PRKD1: variants seen among roughly 807,000 people sequenced by gnomAD.
The protein encoded by PRKD1 is protein kinase D1, also known as serine/threonine-protein kinase D1.
A neutral mutation model predicts 95.9 loss-of-function variants in PRKD1; 63 were observed. That is an observed-to-expected ratio of 0.66 (90% CI 0.54 to 0.81). The LOEUF (loss-of-function observed/expected upper bound fraction) is 0.81. Among genes scored for constraint, PRKD1 ranks in the 30% least tolerant of loss-of-function variants. The pLI is 0.00. For missense variants in PRKD1, 1,048 were observed against 1,165.3 expected, an observed-to-expected ratio of 0.90 and a Z score of 1.47; for synonymous variants, 425 against 423.1, an observed-to-expected ratio of 1.00 and a Z score of -0.05.
intron 1 of PRKD1, among the ~76,000 whole-genome samples, chr14:29,815,942 G>A (rs566814334): frequency 1.6e-4 from 24 of 152,252 alleles, no homozygotes; most frequent in Middle Eastern, 3.4e-3. Flanking sequence ...ATATCAGGCC[G>A]GGCGCGGTGG....
chr14:29,767,963 T>G (rs1243834616), intron 1 of PRKD1, among the ~76,000 whole-genome samples: 1 of 152,250 alleles, frequency 6.6e-6, no homozygotes, highest in African/African-American at 2.4e-5. Context: ...GGTTAACATT[T>G]ATTATCTACT....
intron 1 of PRKD1, among the ~76,000 whole-genome samples, chr14:29,850,443 C>A (rs567947200): frequency 1.4e-5 from 2 of 144,786 alleles, no homozygotes; most frequent in South Asian, 4.3e-4. Context: ...AAGAAAGCAA[C>A]CCCATTCAAA....
chr14:29,595,358 C>T (rs1191507239), intron 16 of PRKD1, among the ~76,000 whole-genome samples: 3 of 152,130 alleles, frequency 2.0e-5, no homozygotes, highest in African/African-American at 7.2e-5. Flanking sequence ...ATTCTCCTTC[C>T]CCTGAACTTG....
At chr14:29,734,759 C>T (rs987930475) in intron 1 of PRKD1, among the ~76,000 whole-genome samples, 4 of 152,168 alleles carry the variant, frequency 2.6e-5, no homozygotes, top group Non-Finnish European at 5.9e-5. Flanking sequence ...AATACTAAAC[C>T]AGATCCTTAC....
chr14:29,800,108 T>C (rs2139215403), intron 1 of PRKD1, among the ~76,000 whole-genome samples: 1 of 152,256 alleles, frequency 6.6e-6, no homozygotes, highest in African/African-American at 2.4e-5. Context: ...AAAAAAGGTG[T>C]CTTTAAAACA....
At chr14:29,801,876 C>A (rs945829927) in intron 1 of PRKD1, among the ~76,000 whole-genome samples, 1 of 152,060 alleles carries the variant, frequency 6.6e-6, no homozygotes, top group Admixed American at 6.6e-5. Context: ...TTAGTAGAGA[C>A]GGGGTTTCTC....
intron 1 of PRKD1, among the ~76,000 whole-genome samples, chr14:29,754,177 A>G (rs78096812): frequency 0.013 from 1,905 of 152,292 alleles, 32 homozygotes; most frequent in African/African-American, 0.044. Context: ...TCTAACTACA[A>G]AATAATTTGA....
intron 4 of PRKD1, among the ~76,000 whole-genome samples, chr14:29,639,667 A>T (rs1880632880): frequency 6.6e-6 from 1 of 151,886 alleles, no homozygotes; most frequent in Non-Finnish European, 1.5e-5. Flanking sequence ...AAAGAAAGAA[A>T]GAAAGAAAAA....
intron 1 of PRKD1, among the ~76,000 whole-genome samples, chr14:29,775,344 G>A (rs922833484): frequency 6.6e-6 from 1 of 152,206 alleles, no homozygotes; most frequent in South Asian, 2.1e-4. Flanking sequence ...GAAGCAGGGC[G>A]AGGCATCGCC....
chr14:29,597,499 G>C lies in PRKD1; in HGVS notation c.2426C>G (p.Ser809Cys). The change falls in exon 16 of 18, where the codon TCT becomes TGT. Residue 809 changes from serine to cysteine, a missense_variant. Coordinates refer to ENST00000331968, the MANE Select transcript of PRKD1 (RefSeq NM_002742.3). ...MYPPNPWKEISHEAIDLINNL... is the reference protein window; with the variant it reads ...MYPPNPWKEICHEAIDLINNL... The stretch of plus-strand genomic sequence containing the variant: ...TGAATGGAAGATATTACCTTCATGA[G>C]ATATTTCCTTCCAGGGATTTGGTGG... 1 of 1,601,926 alleles carries C rather than the reference G, an allele frequency of 6.2e-7. No homozygotes were observed. The highest frequency in any genetic ancestry group is 8.5e-7 in the Non-Finnish European group (1 of 1,170,072).
intron 1 of PRKD1, among the ~76,000 whole-genome samples, chr14:29,919,966 A>AAGAG (rs149379765): frequency 2.9e-5 from 4 of 140,256 alleles, no homozygotes; most frequent in Non-Finnish European, 4.5e-5. Context: ...GACCCTGAGA[A>AAGAG]AGAGAGAGAG....
At chr14:29,738,537 T>C (rs1886833377) in intron 1 of PRKD1, among the ~76,000 whole-genome samples, 1 of 152,262 alleles carries the variant, frequency 6.6e-6, no homozygotes, top group Non-Finnish European at 1.5e-5. Context: ...GATAAATCTG[T>C]AATACCTATT....
At chr14:29,775,711 C>T (rs1304235392) in intron 1 of PRKD1, among the ~76,000 whole-genome samples, 2 of 152,112 alleles carry the variant, frequency 1.3e-5, no homozygotes, top group Non-Finnish European at 2.9e-5. Flanking sequence ...TAGACTCCAT[C>T]TCTGGGGGCA....
At chr14:29,805,105 T>C (rs916264483) in intron 1 of PRKD1, among the ~76,000 whole-genome samples, 2 of 152,236 alleles carry the variant, frequency 1.3e-5, no homozygotes, top group East Asian at 1.9e-4. Context: ...TGTTAGACTA[T>C]AGATTATCAT....
intron 1 of PRKD1, among the ~76,000 whole-genome samples, chr14:29,841,774 T>G (rs900657590): frequency 3.3e-5 from 5 of 152,116 alleles, no homozygotes; most frequent in Non-Finnish European, 7.4e-5. Context: ...TAAATTAATC[T>G]TTCCTTACTG....
At chr14:29,645,402 C>T (rs956992294) in intron 4 of PRKD1, among the ~76,000 whole-genome samples, 2 of 152,114 alleles carry the variant, frequency 1.3e-5, no homozygotes, top group Admixed American at 1.3e-4. Flanking sequence ...CAGTTGGCTG[C>T]CTACTTTCCT....
At chr14:29,905,780 C>T (rs539322146) in intron 1 of PRKD1, among the ~76,000 whole-genome samples, 1 of 152,244 alleles carries the variant, frequency 6.6e-6, no homozygotes, top group African/African-American at 2.4e-5. Flanking sequence ...TAAAATACAG[C>T]GGGTATGTAT....
intron 1 of PRKD1, among the ~76,000 whole-genome samples, chr14:29,905,265 A>C (rs1208806253): frequency 6.6e-6 from 1 of 152,198 alleles, no homozygotes; most frequent in Non-Finnish European, 1.5e-5. Context: ...TACATCATCA[A>C]GAGGGCCGGA....
chr14:29,849,864 G>A (rs936767344), intron 1 of PRKD1, among the ~76,000 whole-genome samples: 3 of 151,998 alleles, frequency 2.0e-5, no homozygotes, highest in African/African-American at 7.3e-5. Context: ...GGATCTAGTC[G>A]ACTTTATTCC....
Sources: gnomAD v4.1 joint callset for allele counts (sites outside exome capture counted in the v4.1 genomes callset) on GRCh38, gnomAD v4.1.1 for gene constraint, MANE v1.5 for transcripts, NCBI Gene and HGNC (gene_info 2026-07-23, HGNC 2026-07-21) for gene names.